The following MCF2L variants were observed in gnomAD, a reference collection of about 807,000 sequenced individuals.
The protein encoded by MCF2L is guanine nucleotide exchange factor DBS.
Under a neutral mutation model 153.4 loss-of-function variants are expected in MCF2L, and 97 were observed. The observed-to-expected ratio is 0.63, with a 90% CI of 0.54 to 0.75. The LOEUF (loss-of-function observed/expected upper bound fraction) is 0.75, where lower values mean the gene tolerates loss of function less well. Among genes scored for constraint, MCF2L ranks in the 30% least tolerant of loss-of-function variants. The probability of loss-of-function intolerance (pLI) is 0.00; values close to 1 mark genes in which losing one functional copy is unlikely to be tolerated. For missense variants in MCF2L, 1,347 were observed against 1,495.2 expected (o/e 0.90, Z 1.64); for synonymous variants, 659 against 632.2 (o/e 1.04, Z -0.64).
rs540058093 is a variant in MCF2L, at chr13:113,074,035, A to G, written c.997-409A>G. Among the ~76,000 whole-genome samples, 2 of 152,354 alleles carry G rather than the reference A, an allele frequency of 1.3e-5. No individual in the cohort carries two copies. Among genetic ancestry groups the G allele is most frequent in the African/African-American group, 2.4e-5 (1 of 41,596 alleles). On this transcript the variant is annotated intron_variant, in intron 9 of 29. Coordinates refer to ENST00000535094, the MANE Select transcript of MCF2L (RefSeq NM_001112732.3). This position sits in a 1 kb window ranked among gnomAD's most constrained non-coding sequence, Gnocchi z 4.2. Reference sequence around the variant, plus strand: ...AGCAAGCTAGAAGGGACTGAGTTACATAACTCTCCACACCTAGGATCCAGT... The same window carrying G: ...AGCAAGCTAGAAGGGACTGAGTTACGTAACTCTCCACACCTAGGATCCAGT...
chr13:112,933,812 TG>T (rs2081487694), intron 2 of MCF2L, among the ~76,000 whole-genome samples: 1 of 152,214 alleles, frequency 6.6e-6, no homozygotes, highest in South Asian at 2.1e-4. Context: ...CTGACGGCTC[TG>T]CCCTGCAGCC....
intron 2 of MCF2L, among the ~76,000 whole-genome samples, chr13:112,937,354 G>A (rs1594353574): frequency 6.6e-6 from 1 of 152,100 alleles, no homozygotes; most frequent in Non-Finnish European, 1.5e-5. Context: ...TAAACTCCAG[G>A]TTTGAAATTA....
intron 1 of MCF2L, among the ~76,000 whole-genome samples, chr13:113,005,167 C>G (rs1365082455): frequency 1.3e-5 from 2 of 152,188 alleles, no homozygotes; most frequent in Non-Finnish European, 2.9e-5. Context: ...GAAAGGAAAG[C>G]CTGTCATTCG....
chr13:113,090,283 A>C, intron 26 of MCF2L: 8 of 1,295,570 alleles, frequency 6.2e-6, no homozygotes, highest in African/African-American at 1.5e-5. Flanking sequence ...TTTCCACCCA[A>C]TCACGTGTTC....
At chr13:112,911,012 C>T in intron 2 of MCF2L, among the ~76,000 whole-genome samples, 1 of 3,770 alleles carries the variant, frequency 2.7e-4, no homozygotes, top group African/African-American at 1.2e-3. Flanking sequence ...GGGGTGGGGG[C>T]GGGGCGGGGG....
intron 4 of MCF2L, among the ~76,000 whole-genome samples, chr13:113,047,761 C>T (rs1014441412): frequency 6.6e-6 from 1 of 152,242 alleles, no homozygotes; most frequent in African/African-American, 2.4e-5. Flanking sequence ...TGCCTCACTA[C>T]ATGTGCCCCG....
In MCF2L at chr13:112,960,280, A is replaced by T. The variant is rs1409014812; in HGVS notation, c.170-54483A>T. On this transcript the variant is annotated intron_variant, in intron 2 of 29. Coordinates refer to the MCF2L transcript ENST00000375608. The surrounding 1 kb of genome is among the most constrained non-coding windows in gnomAD (Gnocchi z 4.2). ...CCTCACCCGGTGAGAGAGCGGAGAG[A>T]CCGAGAGGGGGCCAAGCGCGCTCTC... is the stretch of plus-strand genomic sequence containing the variant. Among the ~76,000 whole-genome samples, 1 of 152,026 alleles carries T rather than the reference A, an allele frequency of 6.6e-6. No homozygotes were observed. The highest frequency in any genetic ancestry group is 1.5e-5 in the Non-Finnish European group (1 of 68,016).
rs1297764229 is a variant in MCF2L, at chr13:113,054,128, C to A, written c.370-6465C>A. ...TCCCATCAATCAATCAACAGACTGT[C>A]CTATTTTCATAGTAGTCCCCACCCA... On this transcript the variant is annotated intron_variant, in intron 4 of 29. Coordinates refer to ENST00000535094, the MANE Select transcript of MCF2L (RefSeq NM_001112732.3). The surrounding 1 kb of genome is among the most constrained non-coding windows in gnomAD (Gnocchi z 5.2). Among the ~76,000 whole-genome samples, 1 of 152,138 alleles carries A rather than the reference C, an allele frequency of 6.6e-6. No homozygotes were observed. The highest frequency in any genetic ancestry group is 1.5e-5 in the Non-Finnish European group (1 of 68,030).
At chr13:113,092,307 G>A (rs913112922) in intron 26 of MCF2L, among the ~76,000 whole-genome samples, 3 of 152,372 alleles carry the variant, frequency 2.0e-5, no homozygotes, top group East Asian at 1.9e-4. Context: ...GCAGGGTCTC[G>A]AGAAAGCCAG....
In MCF2L at chr13:112,993,507, G is replaced by A. The variant is rs952818455; in HGVS notation, c.80-21256G>A. Among the ~76,000 whole-genome samples the A allele has an allele frequency of 7.9e-5, 12 of 152,116 alleles. No individual in the cohort carries two copies. Among genetic ancestry groups the A allele is most frequent in the African/African-American group, 2.7e-4 (11 of 41,410 alleles). On this transcript the variant is annotated intron_variant, in intron 1 of 29. Transcript: ENST00000535094. The surrounding 1 kb of genome is among the most constrained non-coding windows in gnomAD (Gnocchi z 4.6). The stretch of plus-strand genomic sequence containing the variant: ...CAAGTGGCTTAGGACCACCCTAGTC[G>A]TTCAGGCGTGGGATGAGGCTCCAGG...
intron 2 of MCF2L, among the ~76,000 whole-genome samples, chr13:112,954,606 C>T (rs1326520893): frequency 1.3e-5 from 2 of 152,180 alleles, no homozygotes; most frequent in African/African-American, 4.8e-5. Flanking sequence ...TCAGTGGGCT[C>T]TTCCCACTGG....
chr13:113,087,551 A>C, intron 22 of MCF2L, 95 bp downstream of exon 22: 1 of 1,158,504 alleles, frequency 8.6e-7, no homozygotes, highest in Non-Finnish European at 1.2e-6. Flanking sequence ...GCTGACACCC[A>C]GCTCTCAGCC....
At chr13:113,014,721 G>A (rs767982143) in intron 1 of MCF2L, 42 bp from the exon 2 acceptor site, 1 of 1,573,540 alleles carries the variant, frequency 6.4e-7, no homozygotes, top group Non-Finnish European at 8.7e-7. Context: ...GGGTGAGGCA[G>A]CTTCCTGGGA....
chr13:112,929,709 C>T (rs1056867359), intron 2 of MCF2L, among the ~76,000 whole-genome samples: 5 of 152,364 alleles, frequency 3.3e-5, no homozygotes, highest in Middle Eastern at 3.4e-3. Flanking sequence ...GAACCTCCGG[C>T]CTCGGGTTCC....
rs200455154 is a variant in MCF2L at position 113,058,986 on chromosome 13, GTTTCAGTGCCA to G, written c.370-1603_370-1593del. Among the ~76,000 whole-genome samples the G allele has an allele frequency of 9.2e-3, 1,403 of 151,860 alleles. 11 individuals carry two copies. Among genetic ancestry groups the G allele is most frequent in the Admixed American group, 0.015 (231 of 15,252 alleles). The stretch of plus-strand genomic sequence containing the variant: ...TTTCAGCGCTGTTTGGGTGCTGAGT[GTTTCAGTGCCA>G]TTTGGGTGCTGAGTGGGTGCTGAGT... On this transcript the variant is annotated intron_variant, in intron 4 of 29. Transcript: ENST00000535094.
chr13:113,015,082 C>T (rs935647984), intron 2 of MCF2L, among the ~76,000 whole-genome samples: 3 of 152,172 alleles, frequency 2.0e-5, no homozygotes, highest in African/African-American at 7.2e-5. Flanking sequence ...GGGTCAGGGT[C>T]CCCAGGGGGA....
In MCF2L at chr13:113,054,040, G is replaced by A. The variant is rs542212025; in HGVS notation, c.370-6553G>A. Among the ~76,000 whole-genome samples the A allele has an allele frequency of 2.6e-5, 4 of 152,260 alleles. No homozygotes were observed. The South Asian group carries it at 6.2e-4, about 24-fold the overall frequency. ...CTTTGCTGGTGTCTGCTGAGAAGCC[G>A]AGGGGAGGTTCTGGGGCTTGGCTTG... On this transcript the variant is annotated intron_variant, in intron 4 of 29. Coordinates refer to ENST00000535094, the MANE Select transcript of MCF2L (RefSeq NM_001112732.3). The surrounding 1 kb of genome is among the most constrained non-coding windows in gnomAD (Gnocchi z 5.2).
intron 2 of MCF2L, chr13:112,909,209 A>G (rs971650038): frequency 1.5e-5 from 12 of 779,332 alleles, no homozygotes; most frequent in Non-Finnish European, 2.6e-5. Context: ...CCCTGTAACC[A>G]ACCTCTCCCC....
intron 1 of MCF2L, among the ~76,000 whole-genome samples, chr13:112,979,016 G>A (rs576488521): frequency 5.3e-5 from 8 of 152,328 alleles, no homozygotes; most frequent in South Asian, 2.1e-4. Context: ...CAGAGGGTGG[G>A]AGCTGCTGGC....
Sources: gnomAD v4.1 joint callset for allele counts (sites outside exome capture counted in the v4.1 genomes callset) on GRCh38, gnomAD v4.1.1 for gene constraint, Gnocchi (gnomAD v3.1) non-coding constraint, MANE v1.5 for transcripts, NCBI Gene and HGNC (gene_info 2026-07-23, HGNC 2026-07-21) for gene names.